Variants in SENP5 observed in about 807,000 individuals in gnomAD.
The protein encoded by SENP5 is SUMO specific peptidase 5.
Under a neutral mutation model 74.2 loss-of-function variants are expected in SENP5, and 21 were observed. The observed-to-expected ratio is 0.28, with a 90% confidence interval of 0.20 to 0.41. The LOEUF is 0.41. Among genes scored for constraint, SENP5 ranks in the 10% least tolerant of loss-of-function variants. The pLI is 1.00. For missense variants in SENP5, 717 were observed against 889.1 expected, an observed-to-expected ratio of 0.81 and a Z score of 2.46; for synonymous variants, 311 against 312.7, an observed-to-expected ratio of 0.99 and a Z score of 0.06.
chr3:196,876,531 A>AG (rs1052085456), intron 1 of SENP5, among the ~76,000 whole-genome samples: 4 of 151,494 alleles, frequency 2.6e-5, no homozygotes, highest in African/African-American at 4.8e-5. Flanking sequence ...AAAAAAAAAA[A>AG]AAAGAAAAGA....
At chr3:196,900,550 A>G (rs1380712804) in intron 5 of SENP5, 138 bp downstream of exon 5, 4 of 617,478 alleles carry the variant, frequency 6.5e-6, no homozygotes, top group Admixed American at 3.3e-5. Context: ...TTTCTTGATC[A>G]TGTACTGGGC....
chr3:196,880,023 G>T (rs554960614), intron 1 of SENP5, among the ~76,000 whole-genome samples: 1 of 151,834 alleles, frequency 6.6e-6, no homozygotes, highest in South Asian at 2.1e-4. Context: ...TCGGCTCACT[G>T]CAACTTCTGC....
intron 1 of SENP5, among the ~76,000 whole-genome samples, chr3:196,873,878 T>C (rs1157496928): frequency 6.6e-6 from 1 of 151,966 alleles, no homozygotes; most frequent in Non-Finnish European, 1.5e-5. Context: ...TAATTTTAAT[T>C]AGTTATTTAG....
chr3:196,882,597 A>G (rs1713774261), intron 1 of SENP5, among the ~76,000 whole-genome samples: 1 of 152,090 alleles, frequency 6.6e-6, no homozygotes, highest in Admixed American at 6.6e-5. Context: ...TCTGCCTCCC[A>G]GGTTCAGGCA....
intron 1 of SENP5, among the ~76,000 whole-genome samples, chr3:196,874,761 C>G (rs999448413): frequency 6.6e-6 from 1 of 152,126 alleles, no homozygotes; most frequent in African/African-American, 2.4e-5. Context: ...TGCCTGTAAT[C>G]CCAGCCACTT....
chr3:196,877,802 G>A (rs987445583), intron 1 of SENP5, among the ~76,000 whole-genome samples: 1 of 152,096 alleles, frequency 6.6e-6, no homozygotes, highest in Non-Finnish European at 1.5e-5. Flanking sequence ...CACAGTTTGG[G>A]AACTGTGATC....
intron 5 of SENP5, among the ~76,000 whole-genome samples, chr3:196,901,891 C>T (rs1324273801): frequency 6.6e-6 from 1 of 152,188 alleles, no homozygotes; most frequent in African/African-American, 2.4e-5. Context: ...GTTCTCAAAG[C>T]ATGGTCCCCA....
At chr3:196,895,690 TTTTGTA>T (rs1714415104) in intron 2 of SENP5, among the ~76,000 whole-genome samples, 2 of 152,008 alleles carry the variant, frequency 1.3e-5, no homozygotes, top group East Asian at 3.9e-4. Flanking sequence ...CTTGGCTAAT[TTTTGTA>T]TTTTTTGTAG....
At chr3:196,915,597 C>A (rs1190468795) in intron 6 of SENP5, among the ~76,000 whole-genome samples, 3 of 152,164 alleles carry the variant, frequency 2.0e-5, no homozygotes, top group Admixed American at 6.5e-5. Flanking sequence ...ATGCCTTGGG[C>A]AAGACCCAGT....
intron 3 of SENP5, 43 bp from the exon 4 acceptor site, chr3:196,899,881 T>G: frequency 6.2e-7 from 1 of 1,604,390 alleles, no homozygotes; most frequent in Non-Finnish European, 8.5e-7. Flanking sequence ...TGAGAAGTAC[T>G]CATGTTTTTT....
chr3:196,888,402 G>A (rs998654178), intron 2 of SENP5, among the ~76,000 whole-genome samples: 1 of 151,998 alleles, frequency 6.6e-6, no homozygotes, highest in Non-Finnish European at 1.5e-5. Flanking sequence ...GATCAACATG[G>A]TGAAACCCCA....
intron 1 of SENP5, among the ~76,000 whole-genome samples, chr3:196,879,948 T>C (rs563392390): frequency 7.2e-5 from 11 of 152,190 alleles, no homozygotes; most frequent in Admixed American, 1.3e-4. Flanking sequence ...TTGTTTCAGT[T>C]TTTTTTGTTT....
intron 1 of SENP5, among the ~76,000 whole-genome samples, chr3:196,872,084 C>A (rs1713241227): frequency 6.6e-6 from 1 of 152,114 alleles, no homozygotes. Flanking sequence ...TTCAGTTAAC[C>A]TGTACGGTGG....
chr3:196,930,342 T>C (rs938112842), intron 9 of SENP5, among the ~76,000 whole-genome samples: 2 of 152,228 alleles, frequency 1.3e-5, no homozygotes, highest in African/African-American at 2.4e-5. Flanking sequence ...CATCAGTTGC[T>C]GCTTTTCACA....
chr3:196,877,349 A>G (rs1476993260), intron 1 of SENP5, among the ~76,000 whole-genome samples: 1 of 151,974 alleles, frequency 6.6e-6, no homozygotes, highest in Non-Finnish European at 1.5e-5. Context: ...ACACACGGCT[A>G]AGTTTTGTAT....
chr3:196,868,168 C>A (rs971551666), intron 1 of SENP5, 95 bp downstream of exon 1: 3 of 152,286 alleles, frequency 2.0e-5, no homozygotes, highest in African/African-American at 7.2e-5. Context: ...ACCTCAGCGC[C>A]CGGTCCGGAG....
intron 6 of SENP5, 90 bp downstream of exon 6, chr3:196,903,700 G>A (rs991072675): frequency 2.7e-5 from 18 of 678,642 alleles, no homozygotes; most frequent in Middle Eastern, 4.1e-4. Context: ...ATGCCAATAC[G>A]ATGTTAAGTA....
At chr3:196,898,483 C>T (rs188452371) in intron 2 of SENP5, among the ~76,000 whole-genome samples, 2 of 151,364 alleles carry the variant, frequency 1.3e-5, no homozygotes, top group East Asian at 3.9e-4. Flanking sequence ...GCCTATAGTC[C>T]CAGCTAACTA....
intron 6 of SENP5, among the ~76,000 whole-genome samples, chr3:196,916,651 C>G (rs1407825005): frequency 2.0e-5 from 3 of 151,784 alleles, no homozygotes; most frequent in African/African-American, 7.3e-5. Flanking sequence ...CCTCAGCCTC[C>G]TGAGTAACTG....
Sources: gnomAD v4.1 joint callset for allele counts (sites outside exome capture counted in the v4.1 genomes callset) on GRCh38, gnomAD v4.1.1 for gene constraint, MANE v1.5 for transcripts, NCBI Gene and HGNC (gene_info 2026-07-23, HGNC 2026-07-21) for gene names.